PTPRO: variants seen among roughly 807,000 people sequenced by gnomAD.
The protein encoded by PTPRO is protein tyrosine phosphatase receptor type O, also known as receptor-type tyrosine-protein phosphatase O.
PTPRO carries 62 observed loss-of-function variants against 145.2 expected under a neutral mutation model. The observed-to-expected ratio is 0.43, with a 90% CI of 0.35 to 0.53. The LOEUF is 0.53. Ranked by LOEUF, PTPRO falls within the 20% of genes least tolerant of loss-of-function variation. PTPRO has a pLI of 0.01. For missense variants in PTPRO, 1,345 were observed against 1,482.7 expected, an observed-to-expected ratio of 0.91 and a Z score of 1.53; for synonymous variants, 565 against 514.7, an observed-to-expected ratio of 1.10 and a Z score of -1.32.
At chr12:15,366,038 C>A (rs1416478923) in intron 1 of PTPRO, among the ~76,000 whole-genome samples, 4 of 152,086 alleles carry the variant, frequency 2.6e-5, no homozygotes, top group African/African-American at 9.7e-5. Flanking sequence ...AGTAACTTGG[C>A]AGGACCAAAA....
intron 18 of PTPRO, 60 bp from the exon 19 acceptor site, chr12:15,569,357 A>G: frequency 1.5e-6 from 2 of 1,346,470 alleles, no homozygotes; most frequent in Non-Finnish European, 2.1e-6. Flanking sequence ...ATTAAACAAT[A>G]TATAATACCT....
At chr12:15,559,720 G>T (rs1441069250) in intron 16 of PTPRO, among the ~76,000 whole-genome samples, 1 of 152,084 alleles carries the variant, frequency 6.6e-6, no homozygotes, top group African/African-American at 2.4e-5. Context: ...TCTCTTAAAA[G>T]CTTAGTCTTC....
At chr12:15,594,784 C>T (rs1297395796) in intron 25 of PTPRO, among the ~76,000 whole-genome samples, 153 bp from the exon 26 acceptor site, 1 of 152,078 alleles carries the variant, frequency 6.6e-6, no homozygotes, top group African/African-American at 2.4e-5. Context: ...ACAGTTGATT[C>T]TCTTGGATTT....
chr12:15,502,795 T>G (rs1942248295), intron 5 of PTPRO, among the ~76,000 whole-genome samples: 1 of 152,192 alleles, frequency 6.6e-6, no homozygotes. Context: ...GGTTATTTGT[T>G]GTTTGTTTAG....
intron 1 of PTPRO, among the ~76,000 whole-genome samples, chr12:15,390,279 A>T (rs962808811): frequency 6.6e-6 from 1 of 152,142 alleles, no homozygotes; most frequent in Non-Finnish European, 1.5e-5. Context: ...GTCTGTTTTC[A>T]TGCTGCTGAT....
intron 18 of PTPRO, among the ~76,000 whole-genome samples, chr12:15,566,594 C>G (rs936172963): frequency 1.3e-5 from 2 of 152,070 alleles, no homozygotes; most frequent in African/African-American, 4.8e-5. Flanking sequence ...AATCTTGGCT[C>G]ACTGCAACCT....
intron 24 of PTPRO, chr12:15,587,325 A>G: frequency 2.2e-6 from 1 of 446,372 alleles, no homozygotes; most frequent in Middle Eastern, 6.4e-4. Context: ...AGTTCATGCA[A>G]CTAGAACATG....
chr12:15,575,102 G>T (rs1283023458), intron 19 of PTPRO, among the ~76,000 whole-genome samples: 1 of 152,196 alleles, frequency 6.6e-6, no homozygotes, highest in Non-Finnish European at 1.5e-5. Context: ...CTTTTCCTTA[G>T]TTCAGCTAAA....
chr12:15,527,875 A>AACCCCCCCCCCCCCCCCCC (rs1942873389), intron 12 of PTPRO, among the ~76,000 whole-genome samples: 1 of 137,648 alleles, frequency 7.3e-6, no homozygotes. Flanking sequence ...GGGAACTGTG[A>AACCCCCCCCCCCCCCCCCC]CCCGCCCACG....
chr12:15,486,628 A>G (rs1941893367), intron 2 of PTPRO, among the ~76,000 whole-genome samples: 1 of 152,108 alleles, frequency 6.6e-6, no homozygotes, highest in East Asian at 1.9e-4. Flanking sequence ...TTTTAATATC[A>G]TGGTTTACTT....
At chr12:15,536,683 G>A (rs865885118) in intron 12 of PTPRO, among the ~76,000 whole-genome samples, 1 of 152,206 alleles carries the variant, frequency 6.6e-6, no homozygotes, top group Non-Finnish European at 1.5e-5. Context: ...GATAAGAGCA[G>A]GAAGGAGCCA....
chr12:15,532,393 A>T (rs1942980348), intron 12 of PTPRO, among the ~76,000 whole-genome samples: 1 of 152,074 alleles, frequency 6.6e-6, no homozygotes, highest in African/African-American at 2.4e-5. Flanking sequence ...CTTATGGTGG[A>T]TTTTCTCTGG....
chr12:15,347,102 C>T (rs11056436), intron 1 of PTPRO, among the ~76,000 whole-genome samples: 37,363 of 151,986 alleles, frequency 0.25, 4,829 homozygotes, highest in Non-Finnish European at 0.3. Flanking sequence ...GATGATACTC[C>T]ATTCACAAAT....
chr12:15,420,191 T>C (rs745803848), intron 1 of PTPRO, among the ~76,000 whole-genome samples: 18 of 150,060 alleles, frequency 1.2e-4, no homozygotes, highest in Non-Finnish European at 2.2e-4. Context: ...CTCTGAATTG[T>C]ACTCTTCAGG....
chr12:15,493,204 C>T (rs1424588122), intron 2 of PTPRO, among the ~76,000 whole-genome samples: 3 of 152,070 alleles, frequency 2.0e-5, no homozygotes, highest in South Asian at 2.1e-4. Flanking sequence ...CTTCAAAGTA[C>T]TGAGGAAAAT....
At chr12:15,590,375 C>G (rs1276589859) in intron 25 of PTPRO, among the ~76,000 whole-genome samples, 1 of 152,168 alleles carries the variant, frequency 6.6e-6, no homozygotes, top group Non-Finnish European at 1.5e-5. Context: ...CAGCCATACT[C>G]GCGACTTCTT....
intron 1 of PTPRO, among the ~76,000 whole-genome samples, chr12:15,464,318 T>C (rs1220022220): frequency 1.3e-5 from 2 of 152,194 alleles, no homozygotes; most frequent in East Asian, 3.9e-4. Flanking sequence ...CTGGTGAAAA[T>C]GCTGCGTGCT....
intron 1 of PTPRO, among the ~76,000 whole-genome samples, chr12:15,454,225 CCCA>C: frequency 6.6e-6 from 1 of 152,176 alleles, no homozygotes. Flanking sequence ...TCTCCACATC[CCCA>C]CCAAACTATT....
At chr12:15,343,073 T>C (rs1045446707) in intron 1 of PTPRO, among the ~76,000 whole-genome samples, 1 of 152,156 alleles carries the variant, frequency 6.6e-6, no homozygotes, top group Non-Finnish European at 1.5e-5. Context: ...CATCTTCTAG[T>C]TGAGTTGAAT....
Sources: allele counts gnomAD v4.1 joint callset (sites outside exome capture counted in the v4.1 genomes callset), GRCh38; gene constraint gnomAD v4.1.1; transcripts MANE v1.5; gene names NCBI Gene and HGNC (gene_info 2026-07-23, HGNC 2026-07-21).